SMYD3: variants seen among roughly 807,000 people sequenced by gnomAD.
The protein encoded by SMYD3 is SET and MYND domain containing 3, also known as histone-lysine N-methyltransferase SMYD3.
A neutral mutation model predicts 57.7 loss-of-function variants in SMYD3; 36 were observed. That is an observed-to-expected ratio of 0.62 (90% confidence interval 0.48 to 0.82). The LOEUF is 0.82. Ranked by LOEUF, SMYD3 falls within the 40% of genes least tolerant of loss-of-function variation. SMYD3 has a pLI of 0.00. For missense variants in SMYD3, 515 were observed against 538.8 expected (o/e 0.96, Z 0.44); for synonymous variants, 211 against 195.0 (o/e 1.08, Z -0.68).
chr1:246,464,647 G>A (rs1168446980), intron 1 of SMYD3, among the ~76,000 whole-genome samples: 1 of 152,236 alleles, frequency 6.6e-6, no homozygotes, highest in Non-Finnish European at 1.5e-5. Flanking sequence ...TAGGTAAACT[G>A]TTTGTGTGTC....
chr1:246,397,849 T>G (rs1448688937), intron 1 of SMYD3, among the ~76,000 whole-genome samples: 2 of 148,702 alleles, frequency 1.3e-5, no homozygotes, highest in Non-Finnish European at 3.0e-5. Context: ...CATAGGGGTG[T>G]AGAAAACAGG....
intron 5 of SMYD3, among the ~76,000 whole-genome samples, chr1:245,976,285 C>T (rs200368811): frequency 0.22 from 1,091 of 4,894 alleles, 5 homozygotes; most frequent in East Asian, 0.36. Flanking sequence ...GTCTCTAGCC[C>T]AGGGAAAGCC....
chr1:246,333,710 C>CA (rs376408703), intron 3 of SMYD3, among the ~76,000 whole-genome samples: 115 of 143,826 alleles, frequency 8.0e-4, no homozygotes, highest in Middle Eastern at 3.5e-3. Flanking sequence ...TTCGTCTTTC[C>CA]AAAAAAAAAA....
chr1:246,337,708 A>C (rs752066366), intron 2 of SMYD3, among the ~76,000 whole-genome samples: 3 of 152,210 alleles, frequency 2.0e-5, no homozygotes, highest in Non-Finnish European at 4.4e-5. Flanking sequence ...AGGCAGAGAT[A>C]ATTTGAGGCA....
intron 5 of SMYD3, chr1:246,326,489 G>A: frequency 3.4e-6 from 2 of 591,112 alleles, no homozygotes; most frequent in East Asian, 3.0e-5. Context: ...AAATACTTCA[G>A]GAGGCCGGGC....
intron 1 of SMYD3, among the ~76,000 whole-genome samples, chr1:246,407,868 TTA>T (rs397820239): frequency 1.3e-5 from 2 of 149,728 alleles, no homozygotes; most frequent in Admixed American, 6.7e-5. Flanking sequence ...AATAAATAAA[TTA>T]TATATATATA....
chr1:246,256,156 T>G (rs1213554851), intron 5 of SMYD3, among the ~76,000 whole-genome samples: 1 of 152,076 alleles, frequency 6.6e-6, no homozygotes, highest in East Asian at 1.9e-4. Context: ...AGTCTGATGG[T>G]CGAGGGCAGG....
chr1:245,928,399 T>C (rs972510874), intron 6 of SMYD3, among the ~76,000 whole-genome samples: 4 of 152,076 alleles, frequency 2.6e-5, no homozygotes, highest in African/African-American at 9.7e-5. Context: ...CAGCTGGGTG[T>C]GGTGGCTCAC....
At chr1:245,751,455 C>T (rs190886893) in intron 11 of SMYD3, among the ~76,000 whole-genome samples, 3 of 152,104 alleles carry the variant, frequency 2.0e-5, no homozygotes, top group East Asian at 3.9e-4. Flanking sequence ...CTTTTTTCAC[C>T]TCTTGAATGT....
chr1:246,196,705 C>T (rs1227146856), intron 5 of SMYD3, among the ~76,000 whole-genome samples: 1 of 152,078 alleles, frequency 6.6e-6, no homozygotes, highest in Non-Finnish European at 1.5e-5. Context: ...CCAACATTTA[C>T]AGAAATAGTT....
chr1:245,750,375 G>A (rs1414476430), intron 11 of SMYD3, among the ~76,000 whole-genome samples: 4 of 152,180 alleles, frequency 2.6e-5, no homozygotes, highest in Admixed American at 6.5e-5. Flanking sequence ...GAGGGAGGCC[G>A]TGTACAGGCA....
chr1:245,774,678 T>TCTC (rs1378778458), intron 10 of SMYD3, among the ~76,000 whole-genome samples: 2 of 115,494 alleles, frequency 1.7e-5, no homozygotes, highest in South Asian at 5.5e-4. Context: ...TCCCTCTCCC[T>TCTC]TTCCCACGGT....
chr1:245,766,994 G>A (rs2046141972), intron 10 of SMYD3, among the ~76,000 whole-genome samples: 1 of 152,180 alleles, frequency 6.6e-6, no homozygotes, highest in South Asian at 2.1e-4. Flanking sequence ...GGTTTCTGGA[G>A]GCCTCCCAGC....
At chr1:245,939,487 G>A (rs1254975036) in intron 5 of SMYD3, among the ~76,000 whole-genome samples, 2 of 152,078 alleles carry the variant, frequency 1.3e-5, no homozygotes, top group Non-Finnish European at 2.9e-5. Context: ...AGCTAGGCAT[G>A]GTGGTGGCAG....
At chr1:246,397,451 C>G (rs948830776) in intron 1 of SMYD3, among the ~76,000 whole-genome samples, 1 of 152,074 alleles carries the variant, frequency 6.6e-6, no homozygotes, top group Non-Finnish European at 1.5e-5. Flanking sequence ...CTTTTGTGCT[C>G]TCGGTTGAAA....
intron 5 of SMYD3, among the ~76,000 whole-genome samples, chr1:246,062,216 A>G (rs1039667237): frequency 2.0e-4 from 30 of 152,158 alleles, no homozygotes; most frequent in African/African-American, 6.5e-4. Context: ...ATTGTTCCTG[A>G]GTGGGGAGAA....
At chr1:245,990,299 G>A (rs1226421279) in intron 5 of SMYD3, among the ~76,000 whole-genome samples, 1 of 152,124 alleles carries the variant, frequency 6.6e-6, no homozygotes, top group African/African-American at 2.4e-5. Context: ...ATGTTGCCCA[G>A]GTTAGTCTCA....
At chr1:245,936,535 A>G (rs1432156807) in intron 5 of SMYD3, among the ~76,000 whole-genome samples, 4 of 152,206 alleles carry the variant, frequency 2.6e-5, no homozygotes, top group Non-Finnish European at 5.9e-5. Flanking sequence ...TAAGAATGTG[A>G]AGCATCAGGT....
chr1:246,067,278 TG>T (rs934346819), intron 5 of SMYD3, among the ~76,000 whole-genome samples: 1 of 152,082 alleles, frequency 6.6e-6, no homozygotes, highest in Non-Finnish European at 1.5e-5. Context: ...AGACAGCCAG[TG>T]GGGGAGAATG....
Sources: gnomAD v4.1 joint callset for allele counts (sites outside exome capture counted in the v4.1 genomes callset) on GRCh38, gnomAD v4.1.1 for gene constraint, MANE v1.5 for transcripts, NCBI Gene and HGNC (gene_info 2026-07-23, HGNC 2026-07-21) for gene names.